The following RANBP2 variants were observed in gnomAD, a reference collection of about 807,000 sequenced individuals.
RANBP2 encodes E3 SUMO-protein ligase RanBP2.
A neutral mutation model predicts 303.6 loss-of-function variants in RANBP2; 57 were observed. The ratio of observed to expected loss-of-function variants is 0.19; its 90% CI spans 0.15 to 0.23. RANBP2 has a LOEUF of 0.23. Ranked by LOEUF, RANBP2 falls within the 10% of genes least tolerant of loss-of-function variation. The pLI, the probability that RANBP2 is intolerant of heterozygous loss-of-function variation, is 1.00. For synonymous variants in RANBP2, 1,167 were observed against 1,301.5 expected (o/e 0.90, Z 2.23); for missense variants, 3,138 against 3,780.8 (o/e 0.83, Z 4.46).
chr2:109,651,685 T>C, the RANBP2 span, among the ~76,000 whole-genome samples: 1 of 152,168 alleles, frequency 6.6e-6, no homozygotes, highest in Non-Finnish European at 1.5e-5. Flanking sequence ...AGCGGTTGGC[T>C]GGGGACTTAG....
chr2:109,558,381 A>G, the RANBP2 span, among the ~76,000 whole-genome samples: 2 of 152,186 alleles, frequency 1.3e-5, no homozygotes, highest in Admixed American at 6.5e-5. Context: ...TAAACTACTA[A>G]GCATACATCT....
the RANBP2 span, among the ~76,000 whole-genome samples, chr2:109,194,036 C>T: frequency 2.0e-5 from 3 of 152,210 alleles, no homozygotes; most frequent in Non-Finnish European, 4.4e-5. Flanking sequence ...ACAGTCTGTT[C>T]TGCCTGTGTG....
the RANBP2 span, among the ~76,000 whole-genome samples, chr2:109,429,762 A>C: frequency 1.3e-5 from 2 of 151,936 alleles, no homozygotes; most frequent in Admixed American, 6.6e-5. Context: ...GCTGTGAAAC[A>C]TGTGCAAGAA....
chr2:108,891,346 T>C, the RANBP2 span, among the ~76,000 whole-genome samples: 2 of 152,244 alleles, frequency 1.3e-5, no homozygotes, highest in Non-Finnish European at 2.9e-5. Flanking sequence ...CCTAAAGATA[T>C]ATCTATGGTT....
the RANBP2 span, among the ~76,000 whole-genome samples, chr2:109,559,417 T>C: frequency 6.6e-6 from 1 of 152,136 alleles, no homozygotes; most frequent in African/African-American, 2.4e-5. Flanking sequence ...CTAAACTTAC[T>C]GAGTTTCTTC....
the RANBP2 span, among the ~76,000 whole-genome samples, chr2:109,516,875 G>T: frequency 6.6e-6 from 1 of 152,202 alleles, no homozygotes; most frequent in Non-Finnish European, 1.5e-5. Context: ...GTTAAACACT[G>T]CTCCTCATCA....
the RANBP2 span, among the ~76,000 whole-genome samples, chr2:109,400,573 G>GCACACACA: frequency 0.026 from 3,715 of 144,394 alleles, 70 homozygotes; most frequent in Middle Eastern, 0.036. Flanking sequence ...ACACACCTGT[G>GCACACACA]CGCACACACA....
chr2:109,484,682 GA>G, the RANBP2 span, among the ~76,000 whole-genome samples: 5 of 152,126 alleles, frequency 3.3e-5, no homozygotes, highest in Non-Finnish European at 7.4e-5. Context: ...AAATTAAAAA[GA>G]AACTCACAAG....
chr2:109,142,721 T>C, the RANBP2 span, among the ~76,000 whole-genome samples: 13 of 152,196 alleles, frequency 8.5e-5, no homozygotes, highest in Non-Finnish European at 1.8e-4. Flanking sequence ...CTGGGTTTAT[T>C]TTCTGATCGT....
At chr2:109,400,828 A>G in the RANBP2 span, among the ~76,000 whole-genome samples, 4 of 152,318 alleles carry the variant, frequency 2.6e-5, no homozygotes, top group East Asian at 7.7e-4. Context: ...CACTGCCTGG[A>G]TGCTCCCACA....
chr2:109,515,346 G>C, the RANBP2 span, among the ~76,000 whole-genome samples: 3 of 152,194 alleles, frequency 2.0e-5, no homozygotes, highest in Non-Finnish European at 2.9e-5. Context: ...CCTGCAGGCT[G>C]GGGGCAGAGT....
chr2:109,425,249 A>G, the RANBP2 span, among the ~76,000 whole-genome samples: 1 of 152,254 alleles, frequency 6.6e-6, no homozygotes, highest in Admixed American at 6.5e-5. Flanking sequence ...CGTGAGGTTT[A>G]AAGAAAGAAG....
the RANBP2 span, among the ~76,000 whole-genome samples, chr2:109,007,816 G>A: frequency 2.6e-5 from 4 of 152,122 alleles, no homozygotes; most frequent in African/African-American, 9.7e-5. Flanking sequence ...CTGATCTGTT[G>A]GAAATAGCAA....
the RANBP2 span, chr2:109,605,251 C>T: frequency 6.6e-6 from 1 of 152,088 alleles, no homozygotes; most frequent in East Asian, 1.9e-4. Context: ...AGGCAGATCA[C>T]CTGAGGTCAG....
At chr2:109,230,016 G>A in the RANBP2 span, among the ~76,000 whole-genome samples, 10 of 151,772 alleles carry the variant, frequency 6.6e-5, no homozygotes, top group African/African-American at 2.4e-4. Context: ...AGTAGAGACA[G>A]GGTTTCACCA....
At chr2:109,105,974 C>G in the RANBP2 span, among the ~76,000 whole-genome samples, 2 of 152,062 alleles carry the variant, frequency 1.3e-5, no homozygotes, top group Middle Eastern at 3.4e-3. Flanking sequence ...CTGCCTCAGC[C>G]TCCTGAGTAG....
the RANBP2 span, among the ~76,000 whole-genome samples, chr2:108,858,841 A>T: frequency 6.4e-4 from 97 of 152,190 alleles, no homozygotes; most frequent in African/African-American, 2.3e-3. Context: ...TGCTGCAAAG[A>T]ACATTATTTC....
At chr2:109,196,535 T>G in the RANBP2 span, among the ~76,000 whole-genome samples, 1 of 152,234 alleles carries the variant, frequency 6.6e-6, no homozygotes, top group African/African-American at 2.4e-5. Context: ...GCACCTGTGC[T>G]GAGAGGTCCG....
the RANBP2 span, among the ~76,000 whole-genome samples, chr2:109,211,334 G>T: frequency 1.3e-5 from 2 of 152,208 alleles, no homozygotes. Flanking sequence ...TATTAATAAT[G>T]CTGGAGGCAA....
Sources: allele counts gnomAD v4.1 joint callset (sites outside exome capture counted in the v4.1 genomes callset), GRCh38; gene constraint gnomAD v4.1.1; transcripts MANE v1.5; gene names NCBI Gene and HGNC (gene_info 2026-07-23, HGNC 2026-07-21).